The following WDR7 variants were observed in gnomAD, a reference collection of about 807,000 sequenced individuals.
WDR7 encodes the protein WD repeat-containing protein 7.
A neutral mutation model predicts 169.4 loss-of-function variants in WDR7; 46 were observed. The ratio of observed to expected loss-of-function variants is 0.27; its 90% CI spans 0.21 to 0.35. WDR7 has a LOEUF of 0.35. Ranked by LOEUF, WDR7 falls within the 10% of genes least tolerant of loss-of-function variation. The pLI is 1.00. For missense variants in WDR7, 1,534 were observed against 1,859.3 expected (o/e 0.83, Z 3.22); for synonymous variants, 612 against 666.8 (o/e 0.92, Z 1.27).
At chr18:56,812,030 A>G (rs1371474372) in intron 19 of WDR7, among the ~76,000 whole-genome samples, 1 of 152,196 alleles carries the variant, frequency 6.6e-6, no homozygotes, top group Non-Finnish European at 1.5e-5. Context: ...ATTGCATTAA[A>G]TCTGTATATC....
chr18:56,942,922 A>G (rs1458620911), intron 25 of WDR7, among the ~76,000 whole-genome samples: 1 of 152,232 alleles, frequency 6.6e-6, no homozygotes, highest in African/African-American at 2.4e-5. Flanking sequence ...AAGTCCACAT[A>G]GGCCCATTTA....
chr18:57,035,106 A>G, the WDR7 span: 1 of 152,278 alleles, frequency 6.6e-6, no homozygotes, highest in Non-Finnish European at 1.5e-5. Flanking sequence ...AAGATAATGC[A>G]GAGGCTTCTC....
chr18:56,816,249 A>C (rs1599068832), intron 20 of WDR7, 105 bp downstream of exon 20: 7 of 906,270 alleles, frequency 7.7e-6, no homozygotes, highest in Non-Finnish European at 1.1e-5. Flanking sequence ...GAAAGGATGG[A>C]AACTTGTACT....
intron 20 of WDR7, among the ~76,000 whole-genome samples, chr18:56,823,392 A>T (rs1302795379): frequency 6.6e-6 from 1 of 152,178 alleles, no homozygotes; most frequent in Non-Finnish European, 1.5e-5. Flanking sequence ...ACCCTGGTCA[A>T]CATATAGTAT....
intron 22 of WDR7, among the ~76,000 whole-genome samples, chr18:56,934,010 A>G (rs2046925049): frequency 6.6e-6 from 1 of 152,126 alleles, no homozygotes; most frequent in African/African-American, 2.4e-5. Context: ...GCATTCTGTG[A>G]TTTTATTGAT....
chr18:56,787,075 C>T (rs777786074), intron 19 of WDR7, among the ~76,000 whole-genome samples: 23 of 151,874 alleles, frequency 1.5e-4, no homozygotes, highest in Non-Finnish European at 2.8e-4. Flanking sequence ...TTGGCAGAAC[C>T]CAGTTTTATA....
chr18:56,831,279 A>C (rs1241234619), intron 20 of WDR7, among the ~76,000 whole-genome samples: 2 of 152,166 alleles, frequency 1.3e-5, no homozygotes, highest in Non-Finnish European at 2.9e-5. Context: ...GAACAGGGTC[A>C]GGACTAACAA....
chr18:57,027,583 C>T lies in WDR7; in HGVS notation c.*376C>T. The stretch of plus-strand genomic sequence containing the variant: ...CCCAGATCAGCATTTTTAGCCATCT[C>T]AACCGCACCTCTGAAGTGCTGCTTG... On this transcript the variant is annotated 3_prime_UTR_variant, in exon 28 of 28. Coordinates refer to ENST00000254442, the MANE Select transcript of WDR7 (RefSeq NM_015285.3). 2 of 255,432 alleles carry T rather than the reference C, an allele frequency of 7.8e-6. No individual in the cohort carries two copies. Among genetic ancestry groups the T allele is most frequent in the South Asian group, 1.1e-4 (2 of 17,408 alleles). 15.8% of individuals were successfully genotyped at this position (255,432 alleles called of 1,614,324 possible).
intron 20 of WDR7, among the ~76,000 whole-genome samples, chr18:56,856,896 T>C (rs2045729796): frequency 6.6e-6 from 1 of 152,152 alleles, no homozygotes; most frequent in Admixed American, 6.5e-5. Context: ...CTTTCTCCCT[T>C]ATATGATTAT....
At chr18:56,987,036 G>C (rs1184495050) in intron 26 of WDR7, among the ~76,000 whole-genome samples, 1 of 152,070 alleles carries the variant, frequency 6.6e-6, no homozygotes, top group Non-Finnish European at 1.5e-5. Context: ...GGATTTAACA[G>C]CCATAGTAAG....
chr18:56,997,709 A>G (rs912919900), intron 26 of WDR7, among the ~76,000 whole-genome samples: 6 of 152,170 alleles, frequency 3.9e-5, no homozygotes, highest in African/African-American at 7.2e-5. Context: ...ACTTGGATTG[A>G]TCTCTAGATT....
chr18:57,003,429 C>A (rs1240794853), intron 26 of WDR7, among the ~76,000 whole-genome samples: 1 of 151,824 alleles, frequency 6.6e-6, no homozygotes, highest in African/African-American at 2.4e-5. Flanking sequence ...TTTTTAAAGT[C>A]CTTTAAAAAG....
intron 20 of WDR7, among the ~76,000 whole-genome samples, chr18:56,841,801 A>C (rs2045490850): frequency 6.6e-6 from 1 of 151,932 alleles, no homozygotes; most frequent in South Asian, 2.1e-4. Flanking sequence ...CATGGTTAAC[A>C]GTACAGACTC....
In WDR7 at chr18:56,741,029, T is replaced by C. The variant is rs73448318; in HGVS notation, c.1989+9432T>C. On this transcript the variant is annotated intron_variant, in intron 14 of 27. Transcript: ENST00000254442. ...TACTTTAAAGCCAACATGTCTAAGA[T>C]TGAACTCAAAATCATGTCCCATAGA... is the stretch of plus-strand genomic sequence containing the variant. 7.5e-3 allele frequency among the ~76,000 whole-genome samples: 1,138 copies of C among 152,314 alleles called. 15 individuals carry two copies. Among genetic ancestry groups the C allele is most frequent in the African/African-American group, 0.025 (1,025 of 41,568 alleles).
intron 11 of WDR7, among the ~76,000 whole-genome samples, chr18:56,695,526 C>T (rs1040804304): frequency 1.3e-5 from 2 of 151,658 alleles, no homozygotes; most frequent in African/African-American, 4.9e-5. Context: ...ACAGTACCAT[C>T]CAATAGAAAT....
At chr18:56,948,127 TC>T (rs1344859373) in intron 25 of WDR7, among the ~76,000 whole-genome samples, 1 of 152,118 alleles carries the variant, frequency 6.6e-6, no homozygotes, top group Non-Finnish European at 1.5e-5. Flanking sequence ...TGATTTTTGG[TC>T]ACTTAAAACT....
intron 20 of WDR7, 59 bp from the exon 21 acceptor site, chr18:56,879,885 C>A: frequency 7.2e-7 from 1 of 1,381,916 alleles, no homozygotes; most frequent in Non-Finnish European, 1.0e-6. Context: ...TTTTTCTAAT[C>A]ATGTGTCTTT....
chr18:56,698,722 G>A (rs1440251109), intron 12 of WDR7, among the ~76,000 whole-genome samples: 3 of 152,108 alleles, frequency 2.0e-5, no homozygotes, highest in South Asian at 2.1e-4. Flanking sequence ...GCAACTAAAC[G>A]GAGAATGGGC....
At chr18:56,822,435 A>G (rs911366420) in intron 20 of WDR7, among the ~76,000 whole-genome samples, 1 of 152,240 alleles carries the variant, frequency 6.6e-6, no homozygotes. Context: ...TGAAGGTCCT[A>G]TTCATAAGAT....
Sources: gnomAD v4.1 joint callset for allele counts (sites outside exome capture counted in the v4.1 genomes callset) on GRCh38, gnomAD v4.1.1 for gene constraint, MANE v1.5 for transcripts, NCBI Gene and HGNC (gene_info 2026-07-23, HGNC 2026-07-21) for gene names.